Variants in SHISA9 observed in about 807,000 individuals in gnomAD.
The protein encoded by SHISA9 is protein shisa-9.
Under a neutral mutation model 38.0 loss-of-function variants are expected in SHISA9, and 13 were observed. The ratio of observed to expected loss-of-function variants is 0.34; its 90% CI spans 0.22 to 0.54. SHISA9 has a LOEUF of 0.54. Among genes scored for constraint, SHISA9 ranks in the 20% least tolerant of loss-of-function variants. SHISA9 has a pLI of 0.91. For synonymous variants in SHISA9, 275 were observed against 242.0 expected, an observed-to-expected ratio of 1.14 and a Z score of -1.27; for missense variants, 538 against 575.8, an observed-to-expected ratio of 0.93 and a Z score of 0.67.
the SHISA9 span, among the ~76,000 whole-genome samples, chr16:13,328,117 T>C: frequency 1.3e-5 from 2 of 152,144 alleles, no homozygotes; most frequent in Non-Finnish European, 2.9e-5. Context: ...ATATTTCCCA[T>C]TCCCCCTCCT....
Position 13,239,461 on chromosome 16 carries a change from A to G in SHISA9, c.*4052A>G, listed in dbSNP as rs2051416985. On this transcript the variant is annotated 3_prime_UTR_variant, in exon 5 of 5. Transcript: ENST00000558583. ...AGTTTACAGTCCCACCAGCAGTGTA[A>G]AAGTGTTCCTATTTCTCCACATCCT... 1 of 151,450 alleles carries G rather than the reference A, an allele frequency of 6.6e-6. No individual in the cohort carries two copies. Among genetic ancestry groups the G allele is most frequent in the South Asian group, 2.1e-4 (1 of 4,782 alleles). 9.4% of individuals were successfully genotyped at this position (151,450 alleles called of 1,614,324 possible).
At chr16:13,183,931 A>G (rs2050798118) in intron 2 of SHISA9, among the ~76,000 whole-genome samples, 1 of 152,000 alleles carries the variant, frequency 6.6e-6, no homozygotes, top group Admixed American at 6.6e-5. Flanking sequence ...ATTTGTTAGC[A>G]TTATGTTCTT....
At chr16:13,265,590 C>A in the SHISA9 span, among the ~76,000 whole-genome samples, 1 of 145,250 alleles carries the variant, frequency 6.9e-6, no homozygotes, top group South Asian at 2.3e-4. Context: ...CTCTTCCCTC[C>A]CCTCTCCTTC....
chr16:13,096,850 A>T (rs1318191256), intron 2 of SHISA9, among the ~76,000 whole-genome samples: 3 of 151,892 alleles, frequency 2.0e-5, no homozygotes, highest in Non-Finnish European at 4.4e-5. Context: ...CTTCCCTGAG[A>T]CTTACTCATG....
At chr16:13,473,929 T>G in the SHISA9 span, among the ~76,000 whole-genome samples, 27 of 152,168 alleles carry the variant, frequency 1.8e-4, 1 homozygote, top group Admixed American at 1.1e-3. Context: ...ATGATACATA[T>G]TGTGTAATAC....
chr16:13,093,759 G>A (rs2073798766), intron 2 of SHISA9, among the ~76,000 whole-genome samples: 1 of 152,146 alleles, frequency 6.6e-6, no homozygotes, highest in African/African-American at 2.4e-5. Flanking sequence ...GCATCCGTTT[G>A]TGTCTTTACT....
At chr16:13,230,405 T>G (rs2051320459) in intron 4 of SHISA9, among the ~76,000 whole-genome samples, 1 of 152,190 alleles carries the variant, frequency 6.6e-6, no homozygotes, top group Non-Finnish European at 1.5e-5. Flanking sequence ...ATAGGTTAAA[T>G]AAATATTTAT....
At chr16:13,391,424 T>C in the SHISA9 span, among the ~76,000 whole-genome samples, 1 of 152,182 alleles carries the variant, frequency 6.6e-6, no homozygotes, top group Non-Finnish European at 1.5e-5. Context: ...ACAAGGCACT[T>C]GGTGTTACAG....
the SHISA9 span, among the ~76,000 whole-genome samples, chr16:13,357,174 G>T: frequency 6.6e-6 from 1 of 152,154 alleles, no homozygotes. Context: ...TAAGAGGCTG[G>T]GGTGCGGAAA....
the SHISA9 span, among the ~76,000 whole-genome samples, chr16:13,257,790 G>T: frequency 6.6e-6 from 1 of 151,962 alleles, no homozygotes; most frequent in Non-Finnish European, 1.5e-5. Flanking sequence ...GCTCCCTTCT[G>T]TGCTACTTAG....
the SHISA9 span, among the ~76,000 whole-genome samples, chr16:13,271,143 TG>T: frequency 0.013 from 1,909 of 152,306 alleles, 20 homozygotes; most frequent in Non-Finnish European, 0.021. Flanking sequence ...TGCTATAATG[TG>T]GAGCTCACAT....
chr16:13,180,565 G>A (rs894303301), intron 2 of SHISA9, among the ~76,000 whole-genome samples: 61 of 152,148 alleles, frequency 4.0e-4, no homozygotes, highest in Non-Finnish European at 6.5e-4. Context: ...GGGCAGGGTG[G>A]CATGCACCTG....
At chr16:13,010,295 A>C (rs1342781982) in intron 2 of SHISA9, among the ~76,000 whole-genome samples, 1 of 152,220 alleles carries the variant, frequency 6.6e-6, no homozygotes, top group Non-Finnish European at 1.5e-5. Flanking sequence ...CATTAAGGAC[A>C]TCAAACAAAA....
chr16:13,098,322 G>C (rs2073846741), intron 2 of SHISA9, among the ~76,000 whole-genome samples: 1 of 152,150 alleles, frequency 6.6e-6, no homozygotes, highest in African/African-American at 2.4e-5. Context: ...ATTCACTGTG[G>C]CCTTTATTGC....
intron 2 of SHISA9, among the ~76,000 whole-genome samples, chr16:13,075,704 A>G (rs888221456): frequency 6.6e-6 from 1 of 152,222 alleles, no homozygotes; most frequent in African/African-American, 2.4e-5. Context: ...TAAAATGTCT[A>G]TTCTGAAGGT....
At chr16:13,004,093 G>C (rs1178726330) in intron 2 of SHISA9, among the ~76,000 whole-genome samples, 1 of 152,294 alleles carries the variant, frequency 6.6e-6, no homozygotes, top group Admixed American at 6.5e-5. Flanking sequence ...CAGATTCTTT[G>C]CACTCTGCTT....
At chr16:13,300,774 G>T in the SHISA9 span, among the ~76,000 whole-genome samples, 1 of 151,928 alleles carries the variant, frequency 6.6e-6, no homozygotes, top group Non-Finnish European at 1.5e-5. Context: ...GAGAAATGTG[G>T]GTTCTGCCAA....
At chr16:13,177,497 A>T (rs1345560262) in intron 2 of SHISA9, among the ~76,000 whole-genome samples, 1 of 152,178 alleles carries the variant, frequency 6.6e-6, no homozygotes, top group Non-Finnish European at 1.5e-5. Flanking sequence ...ACCTCATGTG[A>T]ATTAGGCAAG....
the SHISA9 span, among the ~76,000 whole-genome samples, chr16:13,313,736 GA>G: frequency 6.6e-6 from 1 of 152,156 alleles, no homozygotes; most frequent in Non-Finnish European, 1.5e-5. Context: ...ATATAAAAAT[GA>G]AAAAGAAAAT....
Sources: allele counts gnomAD v4.1 joint callset (sites outside exome capture counted in the v4.1 genomes callset), GRCh38; gene constraint gnomAD v4.1.1; transcripts MANE v1.5; gene names NCBI Gene and HGNC (gene_info 2026-07-23, HGNC 2026-07-21).